FBXW8: variants seen among roughly 807,000 people sequenced by gnomAD.
FBXW8 encodes the protein F-box/WD repeat-containing protein 8.
FBXW8 carries 57 observed loss-of-function variants against 65.3 expected under a neutral mutation model. The ratio of observed to expected loss-of-function variants is 0.87; its 90% CI spans 0.71 to 1.09. FBXW8 has a LOEUF of 1.09. Among genes scored for constraint, FBXW8 ranks in the 50% least tolerant of loss-of-function variants. The probability of loss-of-function intolerance (pLI) is 0.00; values close to 1 mark genes in which losing one functional copy is unlikely to be tolerated. For synonymous variants in FBXW8, 308 were observed against 330.2 expected, an observed-to-expected ratio of 0.93 and a Z score of 0.73; for missense variants, 777 against 814.8, an observed-to-expected ratio of 0.95 and a Z score of 0.57.
chr12:116,978,249 C>T (rs1885080486), intron 5 of FBXW8: 1 of 152,164 alleles, frequency 6.6e-6, no homozygotes, highest in African/African-American at 2.4e-5. Context: ...CTTGTCTACA[C>T]TGATACTAAT....
intron 2 of FBXW8, among the ~76,000 whole-genome samples, chr12:116,933,169 G>C (rs41364651): frequency 0.013 from 2,044 of 152,344 alleles, 26 homozygotes; most frequent in South Asian, 0.054. Flanking sequence ...TTGAAAACAA[G>C]AGTGTAGCTA....
chr12:116,965,565 G>A (rs1884265027), intron 5 of FBXW8, among the ~76,000 whole-genome samples: 1 of 152,062 alleles, frequency 6.6e-6, no homozygotes, highest in Non-Finnish European at 1.5e-5. Flanking sequence ...CAAGCTTCAT[G>A]TCCCCACTTG....
At chr12:117,003,546 T>C (rs1337057875) in intron 7 of FBXW8, among the ~76,000 whole-genome samples, 2 of 152,266 alleles carry the variant, frequency 1.3e-5, no homozygotes, top group Non-Finnish European at 2.9e-5. Context: ...TGTTGACTAT[T>C]TCTTCCAGCA....
At chr12:116,960,231 G>A (rs1381176278) in intron 4 of FBXW8, among the ~76,000 whole-genome samples, 1 of 152,186 alleles carries the variant, frequency 6.6e-6, no homozygotes, top group African/African-American at 2.4e-5. Flanking sequence ...CCCAACCTGT[G>A]TTTTACCCTA....
intron 5 of FBXW8, among the ~76,000 whole-genome samples, chr12:116,984,268 A>C (rs1403293426): frequency 4.6e-5 from 7 of 152,162 alleles, no homozygotes; most frequent in Admixed American, 4.6e-4. Flanking sequence ...ACATCCCCAG[A>C]GTTACTGGTG....
intron 4 of FBXW8, 91 bp from the exon 5 acceptor site, chr12:116,964,606 T>C (rs1884196125): frequency 1.3e-6 from 2 of 1,485,898 alleles, no homozygotes; most frequent in Non-Finnish European, 1.9e-6. Flanking sequence ...CGATTCTTAC[T>C]TGTCTGTTGT....
At chr12:116,966,617 G>C (rs1412466023) in intron 5 of FBXW8, among the ~76,000 whole-genome samples, 1 of 152,142 alleles carries the variant, frequency 6.6e-6, no homozygotes. Flanking sequence ...GATGTGCAGG[G>C]GTGCTGCTGC....
chr12:116,968,548 T>C (rs534357522), intron 5 of FBXW8, among the ~76,000 whole-genome samples: 2 of 152,316 alleles, frequency 1.3e-5, no homozygotes, highest in African/African-American at 4.8e-5. Flanking sequence ...AGTTGTGTTG[T>C]GTTTGCCGTT....
chr12:117,000,572 A>C (rs1263028420), intron 7 of FBXW8, among the ~76,000 whole-genome samples: 1 of 152,248 alleles, frequency 6.6e-6, no homozygotes, highest in South Asian at 2.1e-4. Context: ...ACAAGTGCCC[A>C]GAGCAGCGGA....
intron 4 of FBXW8, among the ~76,000 whole-genome samples, chr12:116,955,119 G>A (rs983505698): frequency 1.2e-4 from 18 of 151,116 alleles, no homozygotes; most frequent in African/African-American, 4.4e-4. Flanking sequence ...TTTGAGCCAA[G>A]TGTGTAAGAA....
At chr12:116,987,456 A>T (rs1443529918) in intron 6 of FBXW8, 1 of 152,392 alleles carries the variant, frequency 6.6e-6, no homozygotes, top group Admixed American at 6.5e-5. Flanking sequence ...AGACTCGTGC[A>T]CATTAGAGAA....
chr12:116,917,845 A>G (rs1880558198), intron 1 of FBXW8, among the ~76,000 whole-genome samples: 1 of 152,122 alleles, frequency 6.6e-6, no homozygotes, highest in Admixed American at 6.5e-5. Flanking sequence ...TACAATAATT[A>G]GCCGGGTGTG....
chr12:117,004,889 A>T (rs886086258), intron 7 of FBXW8, among the ~76,000 whole-genome samples: 1 of 152,126 alleles, frequency 6.6e-6, no homozygotes, highest in African/African-American at 2.4e-5. Context: ...TGCTCTCTTC[A>T]TCTGGGTTTC....
At chr12:117,013,145 G>A (rs1483685309) in intron 8 of FBXW8, among the ~76,000 whole-genome samples, 1 of 152,152 alleles carries the variant, frequency 6.6e-6, no homozygotes, top group African/African-American at 2.4e-5. Context: ...CGGAGGCTGA[G>A]GCAGGAGAAT....
At chr12:116,950,196 C>G (rs557296648) in intron 4 of FBXW8, 1 of 150,600 alleles carries the variant, frequency 6.6e-6, no homozygotes, top group South Asian at 2.1e-4. Flanking sequence ...TTTTTTTTCT[C>G]CATGGCCAAC....
intron 2 of FBXW8, among the ~76,000 whole-genome samples, chr12:116,930,964 T>C (rs1241500130): frequency 6.6e-6 from 1 of 152,176 alleles, no homozygotes; most frequent in East Asian, 1.9e-4. Flanking sequence ...CACGCCAACA[T>C]GCCCAGCTAA....
At chr12:116,980,161 G>C (rs1310434936) in intron 5 of FBXW8, 1 of 152,236 alleles carries the variant, frequency 6.6e-6, no homozygotes, top group African/African-American at 2.4e-5. Context: ...AGGGATGAGA[G>C]AAAGCTGGTT....
chr12:116,969,001 T>A (rs1471359702), intron 5 of FBXW8, among the ~76,000 whole-genome samples: 1 of 152,222 alleles, frequency 6.6e-6, no homozygotes, highest in Non-Finnish European at 1.5e-5. Context: ...TGGTTTGAGG[T>A]GCTGCCTTTA....
Position 116,945,502 on chromosome 12 carries a change from G to A in FBXW8, c.562G>A (p.Glu188Lys). The A allele has an allele frequency of 1.2e-6, 2 of 1,614,058 alleles. No individual in the cohort carries two copies. The highest frequency in any genetic ancestry group is 1.7e-6 in the Non-Finnish European group (2 of 1,179,978). ...CATCTTCCAAGAGTGCCGAGCCAAG[G>A]AACACATGTTACGAACCAACTGGAA... ...KLIFQECRAK[E>K]HMLRTNWKNR... The change falls in exon 3 of 11, where the codon GAA becomes AAA. Residue 188 changes from glutamate (E) to lysine (K), a missense_variant. Glu to Lys is a moderately conservative substitution (Grantham distance 56). Transcript: ENST00000652555.
Sources: gnomAD v4.1 joint callset for allele counts (sites outside exome capture counted in the v4.1 genomes callset) on GRCh38, gnomAD v4.1.1 for gene constraint, MANE v1.5 for transcripts, NCBI Gene and HGNC (gene_info 2026-07-23, HGNC 2026-07-21) for gene names.